Variants in NAV2 observed in about 807,000 individuals in gnomAD.
The protein encoded by NAV2 is helicase, APC down-regulated 1.
NAV2 carries 54 observed loss-of-function variants against 223.2 expected under a neutral mutation model. The observed-to-expected ratio is 0.24, with a 90% CI of 0.19 to 0.30. The LOEUF is 0.30. Ranked by LOEUF, NAV2 falls within the 10% of genes least tolerant of loss-of-function variation. The pLI is 1.00. For synonymous variants in NAV2, 1,279 were observed against 1,239.3 expected, an observed-to-expected ratio of 1.03 and a Z score of -0.67; for missense variants, 2,806 against 3,147.5, an observed-to-expected ratio of 0.89 and a Z score of 2.60.
chr11:19,644,027 C>T (rs1433773991), intron 1 of NAV2, among the ~76,000 whole-genome samples: 1 of 151,914 alleles, frequency 6.6e-6, no homozygotes, highest in Non-Finnish European at 1.5e-5. Flanking sequence ...AAGTAGGTAC[C>T]CCTGTGCGTA....
chr11:19,763,914 T>G (rs1046312912), intron 1 of NAV2, among the ~76,000 whole-genome samples: 4 of 151,948 alleles, frequency 2.6e-5, no homozygotes, highest in Non-Finnish European at 5.9e-5. Context: ...CCGTATAACA[T>G]CTCTCTATCC....
intron 1 of NAV2, among the ~76,000 whole-genome samples, chr11:19,465,523 G>T (rs1240742963): frequency 6.6e-6 from 1 of 152,130 alleles, no homozygotes; most frequent in Non-Finnish European, 1.5e-5. Flanking sequence ...CATGATGAAA[G>T]CCTAAGTAAA....
In NAV2 at chr11:20,114,739, C is replaced by T. The variant is rs771774338; in HGVS notation, c.7108C>T (p.Arg2370Trp). The change falls in exon 37 of 38, where the codon CGG (arginine) becomes TGG (tryptophan). Residue 2370 changes from arginine (R) to tryptophan (W), a missense_variant. Physicochemically the swap from Arg to Trp is moderately radical, Grantham distance 101. Around this residue, in one of 4 missense-constraint regions of NAV2, gnomAD observed 824 missense variants for 1,069.4 expected, o/e 0.77. Coordinates refer to ENST00000349880, the MANE Select transcript of NAV2 (RefSeq NM_145117.5). ...CGGCTTCGACGGCTACTCCATGCCT[C>T]GGGAGGGATCGACAAGCAAGCAGAT... ...DVGFDGYSMP[R>W]EGSTSKQMPP... is the part of the protein sequence containing the mutation. The T allele has an allele frequency of 6.2e-6, 10 of 1,614,042 alleles. No individual in the cohort carries two copies. Among genetic ancestry groups the T allele is most frequent in the African/African-American group, 2.7e-5 (2 of 75,036 alleles).
At chr11:19,664,388 G>GC (rs1306378649) in intron 1 of NAV2, among the ~76,000 whole-genome samples, 1 of 152,148 alleles carries the variant, frequency 6.6e-6, no homozygotes, top group Non-Finnish European at 1.5e-5. Flanking sequence ...TCCTAGTCCT[G>GC]TCTGTGCTTC....
At chr11:19,401,670 C>T (rs569976424) in intron 1 of NAV2, among the ~76,000 whole-genome samples, 1 of 152,174 alleles carries the variant, frequency 6.6e-6, no homozygotes, top group Non-Finnish European at 1.5e-5. Context: ...ACCCACTCTG[C>T]AGGGAGCACT....
chr11:19,639,704 A>G (rs1046885198), intron 1 of NAV2, among the ~76,000 whole-genome samples: 2 of 152,224 alleles, frequency 1.3e-5, no homozygotes, highest in Non-Finnish European at 2.9e-5. Context: ...ACAGAGGATC[A>G]GAGAAAAGCA....
At chr11:19,691,975 C>T (rs2049187933) in intron 1 of NAV2, among the ~76,000 whole-genome samples, 1 of 152,238 alleles carries the variant, frequency 6.6e-6, no homozygotes, top group South Asian at 2.1e-4. Context: ...TCAGGCCCTG[C>T]CACTGTCTGG....
chr11:20,031,269 A>G (rs2055703967), intron 11 of NAV2, among the ~76,000 whole-genome samples: 1 of 152,204 alleles, frequency 6.6e-6, no homozygotes, highest in African/African-American at 2.4e-5. Flanking sequence ...TTGCTATCTT[A>G]ATCACTTTTT....
intron 1 of NAV2, among the ~76,000 whole-genome samples, chr11:19,478,303 C>G (rs1564969571): frequency 6.6e-6 from 1 of 152,078 alleles, no homozygotes; most frequent in Non-Finnish European, 1.5e-5. Flanking sequence ...AGGGGAGTCC[C>G]AGTCACTGAG....
chr11:19,665,596 C>A (rs972066456), intron 1 of NAV2, among the ~76,000 whole-genome samples: 1 of 152,050 alleles, frequency 6.6e-6, no homozygotes, highest in African/African-American at 2.4e-5. Context: ...TATGTAAAAG[C>A]CCTAAGAGAC....
intron 1 of NAV2, among the ~76,000 whole-genome samples, chr11:19,524,632 G>T (rs2043787510): frequency 6.6e-6 from 1 of 151,418 alleles, no homozygotes; most frequent in Admixed American, 6.5e-5. Flanking sequence ...TTTGGTGGGG[G>T]GCTGGGCCTA....
intron 11 of NAV2, among the ~76,000 whole-genome samples, chr11:19,992,860 T>C (rs754960412): frequency 4.6e-5 from 7 of 152,174 alleles, no homozygotes; most frequent in Non-Finnish European, 1.0e-4. Context: ...CCCAAAGTGC[T>C]GAGATTACAG....
chr11:19,713,589 T>G lies in NAV2; in HGVS notation c.-107T>G, dbSNP rs2050019707. The G allele has an allele frequency of 2.8e-6, 4 of 1,415,640 alleles. No homozygotes were observed. Among genetic ancestry groups the G allele is most frequent in the Non-Finnish European group, 2.8e-6 (3 of 1,083,566 alleles). 87.7% of individuals were successfully genotyped at this position (1,415,640 alleles called of 1,614,324 possible). A position where few individuals can be genotyped will look rare whatever the true frequency, so the allele number is the denominator to read the frequency against. On this transcript the variant is annotated 5_prime_UTR_variant, in exon 1 of 38. Transcript: ENST00000349880. This position sits in a 1 kb window ranked among gnomAD's most constrained non-coding sequence, Gnocchi z 7.2. ...TTTTTAGCCGCTGGTGGTGGGCGCC[T>G]CGTGGGCTAAGGCCCGGCGCCTGCT...
intron 1 of NAV2, among the ~76,000 whole-genome samples, chr11:19,602,559 CAACAGAAATTTATTCT>C (rs2046377154): frequency 6.6e-6 from 1 of 152,164 alleles, no homozygotes; most frequent in South Asian, 2.1e-4. Flanking sequence ...TGACTTAAGA[CAACAGAAATTTATTCT>C]CTCACAGTTC....
intron 1 of NAV2, among the ~76,000 whole-genome samples, chr11:19,385,280 T>C (rs1848990894): frequency 7.3e-6 from 1 of 137,368 alleles, no homozygotes; most frequent in Non-Finnish European, 1.6e-5. Flanking sequence ...TCAAAATGAT[T>C]TGATGTGATA....
chr11:19,349,620 A>G (rs1312092400), upstream of NAV2, among the ~76,000 whole-genome samples: 1 of 152,182 alleles, frequency 6.6e-6, no homozygotes, highest in East Asian at 1.9e-4. Context: ...CTTTTAGTAA[A>G]GAGCTCCCCA....
intron 1 of NAV2, among the ~76,000 whole-genome samples, chr11:19,609,664 A>C (rs2046580645): frequency 6.6e-6 from 1 of 152,110 alleles, no homozygotes; most frequent in African/African-American, 2.4e-5. Flanking sequence ...GCAGAGACTA[A>C]CCACTGCATG....
intron 1 of NAV2, among the ~76,000 whole-genome samples, chr11:19,807,099 G>T (rs1012553397): frequency 2.0e-5 from 3 of 152,198 alleles, no homozygotes; most frequent in Non-Finnish European, 4.4e-5. Flanking sequence ...TGTGATGTGT[G>T]CATTGCGGAC....
intron 11 of NAV2, among the ~76,000 whole-genome samples, chr11:20,013,284 A>G (rs1183705646): frequency 6.6e-6 from 1 of 152,238 alleles, no homozygotes; most frequent in Non-Finnish European, 1.5e-5. Flanking sequence ...TTCAGAACCA[A>G]TAGCAAAATT....
Sources: allele counts gnomAD v4.1 joint callset (sites outside exome capture counted in the v4.1 genomes callset), GRCh38; gene constraint gnomAD v4.1.1; regional missense constraint gnomAD v4.1.1; non-coding constraint Gnocchi (gnomAD v3.1); transcripts MANE v1.5; gene names NCBI Gene and HGNC (gene_info 2026-07-23, HGNC 2026-07-21).